The following PCDHA9 variants were observed in gnomAD, a reference collection of about 807,000 sequenced individuals.
PCDHA9 encodes the protein protocadherin alpha-9.
In PCDHA9, 62 loss-of-function variants were observed where a neutral mutation model predicts 62.0. The ratio of observed to expected loss-of-function variants is 1.00; its 90% CI spans 0.81 to 1.23. The LOEUF (loss-of-function observed/expected upper bound fraction) is 1.23, where lower values mean the gene tolerates loss of function less well. PCDHA9 is among the 50% of genes most tolerant of loss of function. The probability of loss-of-function intolerance (pLI) is 0.00; values close to 1 mark genes in which losing one functional copy is unlikely to be tolerated. For missense variants in PCDHA9, 1,205 were observed against 1,249.8 expected (o/e 0.96, Z 0.54); for synonymous variants, 557 against 567.6 (o/e 0.98, Z 0.27).
Position 140,857,721 on chromosome 5 carries a change from AC to A in PCDHA9, c.2394+6833del, listed in dbSNP as rs1554150568. ...CTGCAGGTGTTCGTGCTGGACGAGA[AC>A]GACAACGCTCCCGCGCTGCTGGCGT... On this transcript the variant is annotated intron_variant, in intron 1 of 3. Transcript: ENST00000532602. 4.4e-6 allele frequency: 7 copies of A among 1,597,360 alleles called. 1 individual carries two copies. In the Admixed American group the frequency reaches 1.0e-4, roughly 23 times the overall value.
chr5:140,907,491 C>A (rs1554193021), intron 1 of PCDHA9, among the ~76,000 whole-genome samples: 1 of 152,186 alleles, frequency 6.6e-6, no homozygotes, highest in Non-Finnish European at 1.5e-5. Flanking sequence ...AAACCCATAT[C>A]CAGAGTAAGT....
chr5:140,892,212 T>C (rs1554185117), intron 1 of PCDHA9, among the ~76,000 whole-genome samples: 5 of 152,236 alleles, frequency 3.3e-5, no homozygotes, highest in Admixed American at 2.6e-4. Context: ...TTTAAAATTG[T>C]ATCTTTATGG....
At chr5:140,875,740 A>G (rs377133743) in intron 1 of PCDHA9, 14 of 1,614,104 alleles carry the variant, frequency 8.7e-6, no homozygotes, top group Non-Finnish European at 1.2e-5. Context: ...GAATTCTCGG[A>G]TCGACCGCGA....
intron 1 of PCDHA9, chr5:140,877,743 G>A: frequency 6.2e-7 from 1 of 1,614,148 alleles, no homozygotes; most frequent in Non-Finnish European, 8.5e-7. Context: ...GGAGGCAGAG[G>A]GTGTGCTCTG....
In PCDHA9 at chr5:140,927,251, A is replaced by G. The variant is rs782356440; in HGVS notation, c.2395-51698A>G. The G allele has an allele frequency of 7.4e-6, 12 of 1,613,434 alleles. No homozygotes were observed. The Admixed American group carries it at 1.2e-4, about 16-fold the overall frequency. On this transcript the variant is annotated intron_variant, in intron 1 of 3. Transcript: ENST00000532602. The stretch of plus-strand genomic sequence containing the variant: ...ATTCACGTCCTGGACACCAATGACA[A>G]CTCACCTCTCTTTCCTGCCGGCGAC...
chr5:140,899,551 GC>G (rs1220661801), intron 1 of PCDHA9, among the ~76,000 whole-genome samples: 12 of 152,288 alleles, frequency 7.9e-5, no homozygotes, highest in Middle Eastern at 6.8e-3. Context: ...TGGTGGATAA[GC>G]TTTTTGATGT....
chr5:140,931,907 G>A (rs573618162), intron 1 of PCDHA9, among the ~76,000 whole-genome samples: 107 of 151,900 alleles, frequency 7.0e-4, no homozygotes, highest in Middle Eastern at 3.5e-3. Context: ...CATTTGAAAA[G>A]CATGACATTT....
intron 3 of PCDHA9, among the ~76,000 whole-genome samples, chr5:140,998,057 A>G (rs2097795221): frequency 1.3e-5 from 2 of 152,294 alleles, no homozygotes; most frequent in South Asian, 4.1e-4. Flanking sequence ...TGACATCATC[A>G]TCAACAGACT....
intron 1 of PCDHA9, among the ~76,000 whole-genome samples, chr5:140,978,243 C>T (rs2096793691): frequency 6.6e-6 from 1 of 152,170 alleles, no homozygotes; most frequent in South Asian, 2.1e-4. Context: ...ATTTCAGCTA[C>T]TCCCTGTTAA....
intron 1 of PCDHA9, chr5:140,877,640 G>T: frequency 6.2e-7 from 1 of 1,613,622 alleles, no homozygotes. Flanking sequence ...GCGCTGCGTT[G>T]CTCAGCGCCG....
chr5:140,987,225 A>AT (rs1451600480), intron 3 of PCDHA9, among the ~76,000 whole-genome samples: 11 of 143,044 alleles, frequency 7.7e-5, no homozygotes, highest in Non-Finnish European at 1.0e-4. Context: ...AAAAAAAAAA[A>AT]AATAATAAAT....
intron 3 of PCDHA9, among the ~76,000 whole-genome samples, chr5:141,000,804 G>A (rs2097964510): frequency 6.6e-6 from 1 of 151,886 alleles, no homozygotes; most frequent in African/African-American, 2.4e-5. Flanking sequence ...CTACTCAGAA[G>A]GCTGAGGTGG....
intron 1 of PCDHA9, among the ~76,000 whole-genome samples, chr5:140,881,897 C>T (rs2058860141): frequency 6.6e-6 from 1 of 152,146 alleles, no homozygotes; most frequent in African/African-American, 2.4e-5. Context: ...CAATTGTCAG[C>T]TAATATAAAA....
At chr5:140,890,767 T>A (rs1342716029) in intron 1 of PCDHA9, among the ~76,000 whole-genome samples, 3 of 152,210 alleles carry the variant, frequency 2.0e-5, no homozygotes, top group African/African-American at 7.2e-5. Context: ...AAAAATATTT[T>A]AAAACCCCAT....
At chr5:140,918,348 G>A (rs1184826451) in intron 1 of PCDHA9, among the ~76,000 whole-genome samples, 1 of 152,138 alleles carries the variant, frequency 6.6e-6, no homozygotes, top group Non-Finnish European at 1.5e-5. Context: ...GAGATAGGTT[G>A]ACTTCCTCTC....
intron 3 of PCDHA9, among the ~76,000 whole-genome samples, chr5:141,000,771 G>A (rs1318485268): frequency 2.0e-5 from 3 of 151,790 alleles, no homozygotes; most frequent in Non-Finnish European, 4.4e-5. Context: ...GCCAGGCATA[G>A]TGGCGCACAC....
chr5:140,869,178 G>T (rs200717410), intron 1 of PCDHA9: 1 of 1,613,988 alleles, frequency 6.2e-7, no homozygotes, highest in East Asian at 2.2e-5. Flanking sequence ...AATTCTGGGA[G>T]GTGGGGAGCG....
rs2098415868 is a variant in PCDHA9 at position 141,010,044 on chromosome 5, G to A, written c.*107G>A. On this transcript the variant is annotated 3_prime_UTR_variant, in exon 4 of 4. Coordinates refer to ENST00000532602, the MANE Select transcript of PCDHA9 (RefSeq NM_031857.2). ...TTTCCTATCTACATGAGCCCTCTTA[G>A]AGACCTCAGAAATCTGCAGAAAGTT... 6.3e-7 allele frequency: 1 copy of A among 1,594,604 alleles called. No individual in the cohort carries two copies. The highest frequency in any genetic ancestry group is 8.5e-7 in the Non-Finnish European group (1 of 1,171,226).
chr5:140,876,855 A>C (rs371246236), intron 1 of PCDHA9: 7 of 1,613,934 alleles, frequency 4.3e-6, no homozygotes, highest in East Asian at 2.2e-5. Flanking sequence ...CCGAGTACAC[A>C]GTGTTCGTGA....
Sources: gnomAD v4.1 joint callset for allele counts (sites outside exome capture counted in the v4.1 genomes callset) on GRCh38, gnomAD v4.1.1 for gene constraint, MANE v1.5 for transcripts, NCBI Gene and HGNC (gene_info 2026-07-23, HGNC 2026-07-21) for gene names.